Variants in MAP2K3 observed in about 807,000 individuals in gnomAD.
MAP2K3 encodes mitogen-activated protein kinase kinase 3, also known as dual specificity mitogen-activated protein kinase kinase 3.
In MAP2K3, 30 loss-of-function variants were observed where a neutral mutation model predicts 46.4. The ratio of observed to expected loss-of-function variants is 0.65; its 90% CI spans 0.48 to 0.88. The LOEUF is 0.88. Among genes scored for constraint, MAP2K3 ranks in the 40% least tolerant of loss-of-function variants. The probability of loss-of-function intolerance (pLI) is 0.00; values close to 1 mark genes in which losing one functional copy is unlikely to be tolerated. For missense variants in MAP2K3, 380 were observed against 464.5 expected (o/e 0.82, Z 1.67); for synonymous variants, 189 against 176.3 (o/e 1.07, Z -0.57).
In MAP2K3 at chr17:21,300,591, G is replaced by C; in HGVS notation, c.212G>C (p.Gly71Ala). Residue 71 changes from glycine (G) to alanine (A), a missense_variant, in exon 4 of 12, where the codon GGC becomes GCC. Coordinates refer to ENST00000342679, the MANE Select transcript of MAP2K3 (RefSeq NM_145109.3). ...GACTTGGTGACCATCTCAGAACTGG[G>C]CCGTGGAGCCTATGGGGTGGTAGAG... is the stretch of plus-strand genomic sequence containing the variant. ...ADDLVTISEL[G>A]RGAYGVVEKV... 6.2e-7 allele frequency: 1 copy of C among 1,613,182 alleles called. No homozygotes were observed. The highest frequency in any genetic ancestry group is 1.1e-5 in the South Asian group (1 of 90,736).
intron 1 of MAP2K3, among the ~76,000 whole-genome samples, chr17:21,296,772 G>T (rs1040971000): frequency 2.0e-5 from 3 of 152,312 alleles, no homozygotes; most frequent in African/African-American, 7.2e-5. Context: ...AGACCCATGC[G>T]GTCCCTGACA....
intron 5 of MAP2K3, 32 bp from the exon 6 acceptor site, chr17:21,302,111 C>G (rs200380159): frequency 7.8e-4 from 1,263 of 1,610,290 alleles, no homozygotes; most frequent in Admixed American, 1.2e-3. Flanking sequence ...GGCAGCCCGG[C>G]AGCCTGGCTG....
chr17:21,314,673 C>T lies in MAP2K3; in HGVS notation c.*443C>T, dbSNP rs145374433. On this transcript the variant is annotated 3_prime_UTR_variant, in exon 12 of 12. Coordinates refer to ENST00000342679, the MANE Select transcript of MAP2K3 (RefSeq NM_145109.3). The stretch of plus-strand genomic sequence containing the variant: ...ACACTTTGGCCCAGGGTGGCCACAC[C>T]TCTATCCCGGCTTTGGTGCGGGGTA... 16 of 177,094 alleles carry T rather than the reference C, an allele frequency of 9.0e-5. No individual in the cohort carries two copies. The highest frequency in any genetic ancestry group is 1.6e-4 in the Non-Finnish European group (13 of 82,400). 11.0% of individuals were successfully genotyped at this position (177,094 alleles called of 1,614,324 possible). A position where few individuals can be genotyped will look rare whatever the true frequency, so the allele number is the denominator to read the frequency against.
intron 3 of MAP2K3, among the ~76,000 whole-genome samples, chr17:21,299,834 T>C (rs916270217): frequency 2.6e-5 from 4 of 152,270 alleles, no homozygotes; most frequent in Non-Finnish European, 5.9e-5. Context: ...ATACAAAAAT[T>C]AGCCCGGTGT....
intron 2 of MAP2K3, 45 bp from the exon 3 acceptor site, chr17:21,298,833 G>A (rs1976420026): frequency 6.2e-7 from 1 of 1,613,998 alleles, no homozygotes; most frequent in Non-Finnish European, 8.5e-7. Flanking sequence ...ACTTGGGGAA[G>A]GGTGTGGTTC....
intron 1 of MAP2K3, among the ~76,000 whole-genome samples, chr17:21,297,317 C>T (rs1976312985): frequency 6.6e-6 from 1 of 152,310 alleles, no homozygotes; most frequent in East Asian, 1.9e-4. Flanking sequence ...TTCTAAGCCC[C>T]AGTACCAGCA....
At chr17:21,305,821 C>T (rs1301372900) in intron 9 of MAP2K3, among the ~76,000 whole-genome samples, 6 of 152,288 alleles carry the variant, frequency 3.9e-5, no homozygotes, top group Admixed American at 2.0e-4. Flanking sequence ...GTGCAGGAGA[C>T]GCGTGGAAGG....
At chr17:21,307,209 G>C in intron 9 of MAP2K3, among the ~76,000 whole-genome samples, 1 of 152,300 alleles carries the variant, frequency 6.6e-6, no homozygotes, top group Non-Finnish European at 1.5e-5. Context: ...ATCTGAGGCT[G>C]TCTAGGGGCC....
Position 21,300,635 on chromosome 17 carries a change from A to G in MAP2K3, c.256A>G (p.Ser86Gly), listed in dbSNP as rs1029598403. Residue 86 changes from serine (S) to glycine (G), a missense_variant, in exon 4 of 12, where the codon AGC becomes GGC. Around this residue, in one of 5 missense-constraint regions of MAP2K3, gnomAD observed 294 missense variants for 275.4 expected, o/e 1.07. Coordinates refer to ENST00000342679, the MANE Select transcript of MAP2K3 (RefSeq NM_145109.3). ...GVVEKVRHAQ[S>G]GTIMAVKRIR... ...GGTAGAGAAGGTGCGGCACGCCCAG[A>G]GCGGCACCATCATGGCCGTGAAGGT... is the stretch of plus-strand genomic sequence containing the variant. 20 of 1,611,884 alleles carry G rather than the reference A, an allele frequency of 1.2e-5. No homozygotes were observed. The African/African-American group carries it at 2.4e-4, about 19-fold the overall frequency.
intron 4 of MAP2K3, 81 bp from the exon 5 acceptor site, chr17:21,300,793 C>T: frequency 6.2e-7 from 1 of 1,611,752 alleles, no homozygotes; most frequent in Non-Finnish European, 8.5e-7. Context: ...CAGTGGCCCC[C>T]TGAGCTCCTG....
chr17:21,285,949 T>G (rs778830067), intron 1 of MAP2K3, among the ~76,000 whole-genome samples: 21 of 152,180 alleles, frequency 1.4e-4, no homozygotes, highest in Non-Finnish European at 1.0e-4. Context: ...CGTCGGAGTT[T>G]CAGTAGGCTG....
rs1396341031 is a variant in MAP2K3, at chr17:21,284,748, T to TGCTGCAGTCGCC, written c.-170_-159dup. On this transcript the variant is annotated 5_prime_UTR_variant, in exon 1 of 12. Transcript: ENST00000342679. The stretch of plus-strand genomic sequence containing the variant: ...GCGCCGCCCGTCGCGGACTCGTCCT[T>TGCTGCAGTCGCC]GCTGCAGTCGCCGCCGCAGTCCTCG... 5 of 616,002 alleles carry TGCTGCAGTCGCC rather than the reference T, an allele frequency of 8.1e-6. No individual in the cohort carries two copies. Among genetic ancestry groups the TGCTGCAGTCGCC allele is most frequent in the South Asian group, 2.8e-5 (1 of 35,666 alleles). The allele number at this position is 616,002 out of a possible 1,614,324, so 38.2% of individuals were successfully genotyped here.
intron 1 of MAP2K3, chr17:21,296,217 G>A (rs1206326755): frequency 3.9e-6 from 5 of 1,284,754 alleles, no homozygotes; most frequent in Non-Finnish European, 5.1e-6. Flanking sequence ...GCAGGTGGGT[G>A]GCATTTCTGC....
At chr17:21,292,956 A>C (rs1464186913) in intron 1 of MAP2K3, among the ~76,000 whole-genome samples, 2 of 152,306 alleles carry the variant, frequency 1.3e-5, no homozygotes, top group Non-Finnish European at 2.9e-5. Flanking sequence ...CATCTGCAGC[A>C]TGGAGATCAC....
At chr17:21,314,009 C>T (rs1977289231) in intron 11 of MAP2K3, 138 bp from the exon 12 acceptor site, 2 of 705,340 alleles carry the variant, frequency 2.8e-6, no homozygotes, top group African/African-American at 3.5e-5. Flanking sequence ...GGAGGGCCTC[C>T]TGGGGGTGGA....
At chr17:21,298,318 G>A in intron 1 of MAP2K3, 95 bp from the exon 2 acceptor site, 1 of 1,553,636 alleles carries the variant, frequency 6.4e-7, no homozygotes, top group South Asian at 1.1e-5. Context: ...GCAGAGGCTG[G>A]CACCCTTGTG....
chr17:21,285,226 T>C, intron 1 of MAP2K3: 1 of 985,124 alleles, frequency 1.0e-6, no homozygotes, highest in Non-Finnish European at 1.2e-6. Context: ...TTTGTTCTGC[T>C]CACCCCATCC....
At chr17:21,302,079 C>G (rs1199760448) in intron 5 of MAP2K3, 64 bp from the exon 6 acceptor site, 11 of 1,497,348 alleles carry the variant, frequency 7.3e-6, no homozygotes, top group Non-Finnish European at 8.4e-6. Context: ...CTGGGGCAGG[C>G]AGTGCAGGTG....
rs1976557223 is a variant in MAP2K3 at position 21,300,871 on chromosome 17, C to T, written c.280-3C>T. 1 of 1,614,122 alleles carries T rather than the reference C, an allele frequency of 6.2e-7. No individual in the cohort carries two copies. Among genetic ancestry groups the T allele is most frequent in the Non-Finnish European group, 8.5e-7 (1 of 1,180,050 alleles). ...ACCTCTGAATGGCAGTCCTTCCCTG[C>T]AGCGGATCCGGGCCACCGTGAACTC... On this transcript the variant is annotated splice_polypyrimidine_tract_variant and splice_region_variant and intron_variant, in intron 4 of 11. Transcript: ENST00000342679.
Sources: gnomAD v4.1 joint callset for allele counts (sites outside exome capture counted in the v4.1 genomes callset) on GRCh38, gnomAD v4.1.1 for gene constraint, gnomAD v4.1.1 regional missense constraint, MANE v1.5 for transcripts, NCBI Gene and HGNC (gene_info 2026-07-23, HGNC 2026-07-21) for gene names.